LCORL: variants seen among roughly 807,000 people sequenced by gnomAD.
The protein encoded by LCORL is ligand-dependent nuclear receptor corepressor-like protein.
Under a neutral mutation model 141.8 loss-of-function variants are expected in LCORL, and 41 were observed. The ratio of observed to expected loss-of-function variants is 0.29; its 90% confidence interval spans 0.23 to 0.38. The LOEUF is 0.38. Ranked by LOEUF, LCORL falls within the 10% of genes least tolerant of loss-of-function variation. LCORL has a pLI of 1.00. For missense variants in LCORL, 1,759 were observed against 2,035.0 expected (o/e 0.86, Z 2.61); for synonymous variants, 618 against 694.1 (o/e 0.89, Z 1.72).
chr4:17,860,533 T>A (rs114419758), intron 7 of LCORL, among the ~76,000 whole-genome samples: 1 of 152,128 alleles, frequency 6.6e-6, no homozygotes, highest in African/African-American at 2.4e-5. Flanking sequence ...AAGATAAGAT[T>A]TGAATGGGGA....
intron 1 of LCORL, among the ~76,000 whole-genome samples, chr4:17,995,889 G>A (rs964778061): frequency 6.6e-6 from 1 of 151,974 alleles, no homozygotes; most frequent in Non-Finnish European, 1.5e-5. Context: ...AGTAATTCTG[G>A]ACAAATGTAT....
At chr4:17,863,353 C>T (rs1185557826) in intron 7 of LCORL, among the ~76,000 whole-genome samples, 2 of 152,136 alleles carry the variant, frequency 1.3e-5, no homozygotes, top group Admixed American at 1.3e-4. Flanking sequence ...CATGAACAGA[C>T]ACTTTTCAAA....
At chr4:17,866,327 C>T (rs1270615716) in intron 7 of LCORL, among the ~76,000 whole-genome samples, 6 of 152,182 alleles carry the variant, frequency 3.9e-5, no homozygotes, top group South Asian at 2.1e-4. Flanking sequence ...TCCTATAGCA[C>T]CACATACTGA....
chr4:17,977,596 G>A (rs1286101544), intron 1 of LCORL, among the ~76,000 whole-genome samples: 1 of 152,070 alleles, frequency 6.6e-6, no homozygotes, highest in Non-Finnish European at 1.5e-5. Context: ...TTTTAACTGG[G>A]TTGTCAGACA....
chr4:17,939,879 TAC>T (rs143670453), intron 4 of LCORL, among the ~76,000 whole-genome samples: 10 of 147,828 alleles, frequency 6.8e-5, no homozygotes, highest in African/African-American at 1.8e-4. Flanking sequence ...TAGGTACATG[TAC>T]ACACACACAC....
chr4:17,979,823 T>C (rs1283016924), intron 1 of LCORL, among the ~76,000 whole-genome samples: 1 of 151,998 alleles, frequency 6.6e-6, no homozygotes, highest in Non-Finnish European at 1.5e-5. Flanking sequence ...TTAAGGTTGT[T>C]TATCAGCTGA....
exon 7 of LCORL, chr4:17,876,428 C>A (rs1726928912): frequency 3.3e-6 from 4 of 1,230,750 alleles, no homozygotes; most frequent in Middle Eastern, 3.1e-4. Flanking sequence ...CTGATAATGG[C>A]TGATTATTCC....
At chr4:17,841,960 A>G (rs1263387147) in exon 8 of LCORL, 1 of 178,340 alleles carries the variant, frequency 5.6e-6, no homozygotes. Context: ...ATGAGTCTCC[A>G]CAGACTTTGT....
chr4:17,985,443 T>C (rs1276885757), intron 1 of LCORL, among the ~76,000 whole-genome samples: 2 of 152,178 alleles, frequency 1.3e-5, no homozygotes, highest in African/African-American at 4.8e-5. Flanking sequence ...ATGAATCTGG[T>C]TGCTCCTCTG....
chr4:17,875,487 G>A, exon 7 of LCORL: 1 of 1,231,182 alleles, frequency 8.1e-7, no homozygotes, highest in Non-Finnish European at 1.0e-6. Context: ...ATTGTTTAAA[G>A]ACATAAGGTT....
At chr4:17,892,515 T>A (rs1242647156) in intron 5 of LCORL, among the ~76,000 whole-genome samples, 3 of 152,166 alleles carry the variant, frequency 2.0e-5, no homozygotes, top group Non-Finnish European at 4.4e-5. Context: ...CGGGCTCAAA[T>A]AGTTTTTTAA....
At chr4:17,897,135 T>C (rs1356132185) in intron 5 of LCORL, among the ~76,000 whole-genome samples, 2 of 151,550 alleles carry the variant, frequency 1.3e-5, no homozygotes, top group Non-Finnish European at 1.5e-5. Context: ...GACACTTAGG[T>C]TTCTTCCAAA....
chr4:17,875,334 G>A, exon 7 of LCORL: 1 of 1,231,376 alleles, frequency 8.1e-7, no homozygotes, highest in Non-Finnish European at 1.0e-6. Flanking sequence ...GTTCTTGATG[G>A]GTCTCACATA....
chr4:17,909,103 T>C (rs754034135), exon 5 of LCORL: 5 of 1,595,824 alleles, frequency 3.1e-6, no homozygotes, highest in Non-Finnish European at 4.3e-6. Context: ...CCTTGCTGAG[T>C]ATTTTGTTCT....
rs1441141635 is a variant in LCORL, at chr4:17,897,215, T to C, written c.683-11054A>G. ...ACTTCTCTTTGATATACTGATTTCT[T>C]TTTTTTTTTTTTTTTTTTTTTTTTT... On this transcript the variant is annotated intron_variant, in intron 5 of 7. Coordinates refer to ENST00000635767, the Ensembl canonical transcript of LCORL. Among the ~76,000 whole-genome samples, 276 of 75,206 alleles carry C rather than the reference T, an allele frequency of 3.7e-3. 85 individuals carry two copies. Among genetic ancestry groups the C allele is most frequent in the Middle Eastern group, 0.021 (4 of 190 alleles). 49.3% of individuals were successfully genotyped at this position (75,206 alleles called of 152,430 possible). A position where few individuals can be genotyped will look rare whatever the true frequency, so the allele number is the denominator to read the frequency against.
At chr4:17,891,596 GA>G (rs1281192163) in intron 5 of LCORL, among the ~76,000 whole-genome samples, 1 of 152,062 alleles carries the variant, frequency 6.6e-6, no homozygotes, top group African/African-American at 2.4e-5. Context: ...AATAAAGCAT[GA>G]AAAAACTGCA....
intron 1 of LCORL, among the ~76,000 whole-genome samples, chr4:17,978,154 C>T (rs887691343): frequency 9.2e-5 from 14 of 152,108 alleles, no homozygotes; most frequent in East Asian, 1.9e-4. Context: ...AATTACGAAT[C>T]GTATTTTTCT....
chr4:17,858,072 AC>A (rs1366641802), intron 7 of LCORL, among the ~76,000 whole-genome samples: 1 of 152,222 alleles, frequency 6.6e-6, no homozygotes, highest in East Asian at 1.9e-4. Context: ...TGAAATTGGT[AC>A]ATGAGGATGT....
chr4:17,921,890 G>A (rs925258881), intron 4 of LCORL, among the ~76,000 whole-genome samples: 10 of 152,064 alleles, frequency 6.6e-5, no homozygotes, highest in Admixed American at 3.3e-4. Flanking sequence ...TCCTTCTCTC[G>A]CGCTGGATGC....
Sources: allele counts gnomAD v4.1 joint callset (sites outside exome capture counted in the v4.1 genomes callset), GRCh38; gene constraint gnomAD v4.1.1; transcripts MANE v1.5; gene names NCBI Gene and HGNC (gene_info 2026-07-23, HGNC 2026-07-21).